TLR9: variants seen among roughly 807,000 people sequenced by gnomAD.
The protein encoded by TLR9 is toll like receptor 9.
TLR9 carries 19 observed loss-of-function variants against 24.6 expected under a neutral mutation model. The observed-to-expected ratio is 0.77, with a 90% CI of 0.54 to 1.13. The LOEUF (loss-of-function observed/expected upper bound fraction) is 1.13. Ranked by LOEUF, TLR9 falls within the 50% of genes most tolerant of loss-of-function variation. The pLI is 0.00. For synonymous variants in TLR9, 579 were observed against 609.8 expected, an observed-to-expected ratio of 0.95 and a Z score of 0.74; for missense variants, 1,065 against 1,379.6, an observed-to-expected ratio of 0.77 and a Z score of 3.61.
rs758360470 is a variant in TLR9 at position 52,222,981 on chromosome 3, C to G, written c.1335G>C (p.Lys445Asn). Residue 445 changes from lysine to asparagine, a missense_variant, in exon 2 of 2, where the codon AAG becomes AAC. Physicochemically the swap from Lys to Asn is moderately conservative, Grantham distance 94. Coordinates refer to ENST00000360658, the MANE Select transcript of TLR9 (RefSeq NM_017442.4). Reference protein sequence around the residue: ...ATMGEADGGEKVWLQPGDLAP... With the variant: ...ATMGEADGGENVWLQPGDLAP... ...CAAGGTCCCCAGGCTGCAGCCAGAC[C>G]TTCTCCCCTCCATCTGCCTCCCCCA... 4 of 1,593,508 alleles carry G rather than the reference C, an allele frequency of 2.5e-6. No homozygotes were observed. In the South Asian group the frequency reaches 4.6e-5, roughly 18 times the overall value.
chr3:52,225,033 G>T (rs1699607412), intron 1 of TLR9, among the ~76,000 whole-genome samples: 1 of 152,214 alleles, frequency 6.6e-6, no homozygotes, highest in South Asian at 2.1e-4. Context: ...CTGGGGGTTT[G>T]GGTCTCATTG....
chr3:52,225,637 TCA>T lies in TLR9; in HGVS notation c.-110_-109del, dbSNP rs1559438733. The T allele has an allele frequency of 2.0e-6, 3 of 1,485,704 alleles. No homozygotes were observed. The highest frequency in any genetic ancestry group is 2.8e-6 in the Non-Finnish European group (3 of 1,083,188). 92.0% of individuals were successfully genotyped at this position (1,485,704 alleles called of 1,614,324 possible). A position where few individuals can be genotyped will look rare whatever the true frequency, so the allele number is the denominator to read the frequency against. ...CCCTTCCCACAGGGGCAGCAGCGGCTCAGAGAATAGAGGAAGTAAGATTTTTA... is the reference window on the plus strand; with the variant it reads ...CCCTTCCCACAGGGGCAGCAGCGGCTGAGAATAGAGGAAGTAAGATTTTTA... On this transcript the variant is annotated 5_prime_UTR_variant, in exon 1 of 2. Coordinates refer to ENST00000360658, the MANE Select transcript of TLR9 (RefSeq NM_017442.4).
chr3:52,221,337 G>A lies in TLR9; in HGVS notation c.2979C>T (p.Leu993=), dbSNP rs755145332. 24 of 1,581,404 alleles carry A rather than the reference G, an allele frequency of 1.5e-5. No individual in the cohort carries two copies. The highest frequency in any genetic ancestry group is 1.8e-5 in the Admixed American group (1 of 56,692). Residue 993 remains leucine, a synonymous_variant, in exon 2 of 2, where the codon CTC becomes CTT. Coordinates refer to ENST00000360658, the MANE Select transcript of TLR9 (RefSeq NM_017442.4). This position sits in a 1 kb window ranked among gnomAD's most constrained non-coding sequence, Gnocchi z 9.9. ...GACCACTGGGCTGGTGGGGCCAGAG[G>A]AGGACACTCTGGCGGCAGAGGCGCT... The part of the protein sequence containing the change: ...LRQRLCRQSV[L]LWPHQPSGQR...
chr3:52,221,699 A>C lies in TLR9; in HGVS notation c.2617T>G (p.Phe873Val). 6.2e-7 allele frequency: 1 copy of C among 1,613,914 alleles called. No homozygotes were observed. Among genetic ancestry groups the C allele is most frequent in the South Asian group, 1.1e-5 (1 of 91,082 alleles). Residue 873 changes from phenylalanine to valine, a missense_variant, in exon 2 of 2, where the codon TTC (phenylalanine) becomes GTC (valine). Phe to Val is a conservative substitution (Grantham distance 50). Coordinates refer to ENST00000360658, the MANE Select transcript of TLR9 (RefSeq NM_017442.4). This position sits in a 1 kb window ranked among gnomAD's most constrained non-coding sequence, Gnocchi z 9.9. Reference protein sequence around the residue: ...RDEDALPYDAFVVFDKTQSAV... With the variant: ...RDEDALPYDAVVVFDKTQSAV... The stretch of plus-strand genomic sequence containing the variant: ...CTCTGCGTTTTGTCGAAGACCACGA[A>C]GGCATCGTAGGGCAGGGCATCCTCA...
Position 52,221,837 on chromosome 3 carries a change from C to G in TLR9, c.2479G>C (p.Ala827Pro), listed in dbSNP as rs1374720655. The G allele has an allele frequency of 3.1e-6, 5 of 1,613,830 alleles. No homozygotes were observed. The highest frequency in any genetic ancestry group is 4.2e-6 in the Non-Finnish European group (5 of 1,180,030). Residue 827 changes from alanine (A) to proline (P), a missense_variant, in exon 2 of 2, where the codon GCT (alanine) becomes CCT (proline). Ala to Pro is a conservative substitution (Grantham distance 27). Transcript: ENST00000360658. The surrounding 1 kb of genome is among the most constrained non-coding windows in gnomAD (Gnocchi z 9.9). ...DCFALSLLAV[A>P]LGLGVPMLHH... ...AGCATGGGCACACCCAGGCCCAGAG[C>G]CACAGCCAGCAGCGAGAGGGCGAAA...
In TLR9 at chr3:52,223,976, T is replaced by C. The variant is rs1157043280; in HGVS notation, c.340A>G (p.Ile114Val). ...SPMHFPCHMT[I>V]EPSTFLAVPT... The stretch of plus-strand genomic sequence containing the variant: ...ACAGCCAAGAAGGTGCTGGGCTCGA[T>C]GGTCATGTGGCAGGGGAAGTGCATG... The change falls in exon 2 of 2, where the codon ATC (isoleucine) becomes GTC (valine). Residue 114 changes from isoleucine (I) to valine (V), a missense_variant. Ile to Val is a conservative substitution (Grantham distance 29, BLOSUM62 3). Coordinates refer to ENST00000360658, the MANE Select transcript of TLR9 (RefSeq NM_017442.4). 2 of 1,594,442 alleles carry C rather than the reference T, an allele frequency of 1.3e-6. No individual in the cohort carries two copies. Among genetic ancestry groups the C allele is most frequent in the East Asian group, 2.2e-5 (1 of 44,492 alleles).
Position 52,221,423 on chromosome 3 carries a change from C to A in TLR9, c.2893G>T (p.Val965Phe). ...GGGCTCAGGATCACCAGCACCACGA[C>A]GTCCTTGCGGTCCTCCAGCAGGCGC... ...QQRLLEDRKD[V>F]VVLVILSPDG... Residue 965 changes from valine to phenylalanine, a missense_variant, in exon 2 of 2, where the codon GTC (valine) becomes TTC (phenylalanine). Transcript: ENST00000360658. This position sits in a 1 kb window ranked among gnomAD's most constrained non-coding sequence, Gnocchi z 9.9. 1 of 1,602,974 alleles carries A rather than the reference C, an allele frequency of 6.2e-7. No individual in the cohort carries two copies. The highest frequency in any genetic ancestry group is 8.5e-7 in the Non-Finnish European group (1 of 1,173,020).
At position 52,221,455 on chromosome 3, in the gene TLR9, G is replaced by C. The variant is rs1422851190; in HGVS notation, c.2861C>G (p.Ala954Gly). The C allele has an allele frequency of 1.2e-6, 2 of 1,610,874 alleles. No individual in the cohort carries two copies. Among genetic ancestry groups the C allele is most frequent in the Non-Finnish European group, 1.7e-6 (2 of 1,178,258 alleles). ...GCGGTCCTCCAGCAGGCGCTGCTGG[G>C]CCAGCAGGAAGCTGGCGCGCAAGAG... ...SGLLRASFLL[A>G]QQRLLEDRKD... The change falls in exon 2 of 2, where the codon GCC becomes GGC. Residue 954 changes from alanine (A) to glycine (G), a missense_variant. Physicochemically the swap from Ala to Gly is moderately conservative, Grantham distance 60. Coordinates refer to ENST00000360658, the MANE Select transcript of TLR9 (RefSeq NM_017442.4). This position sits in a 1 kb window ranked among gnomAD's most constrained non-coding sequence, Gnocchi z 9.9.
intron 1 of TLR9, 95 bp from the exon 2 acceptor site, chr3:52,224,407 C>A: frequency 1.0e-6 from 1 of 980,946 alleles, no homozygotes; most frequent in South Asian, 1.6e-5. Flanking sequence ...TCCAACCCCT[C>A]TCTCCAAGCC....
chr3:52,223,420 A>T lies in TLR9; in HGVS notation c.896T>A (p.Leu299Gln), dbSNP rs1699585792. 6.2e-7 allele frequency: 1 copy of T among 1,611,090 alleles called. No homozygotes were observed. The highest frequency in any genetic ancestry group is 1.3e-5 in the African/African-American group (1 of 74,834). Residue 299 changes from leucine to glutamine, a missense_variant, in exon 2 of 2, where the codon CTG becomes CAG. By Grantham distance (113) the Leu-to-Gln change is moderately radical (BLOSUM62 -2). Transcript: ENST00000360658. ...CAGCCCACGGAACCAACTGGCATTC[A>T]GCCAGGAGAGAGAACTGTCCTTCAA... ...LVLKDSSLSW[L>Q]NASWFRGLGN...
intron 1 of TLR9, 33 bp from the exon 2 acceptor site, chr3:52,224,345 GC>G: frequency 2.0e-6 from 3 of 1,514,518 alleles, no homozygotes; most frequent in Non-Finnish European, 2.7e-6. Flanking sequence ...TGAGTGGCCG[GC>G]CCCCAGCTCT....
intron 1 of TLR9, 73 bp downstream of exon 1, chr3:52,225,454 G>A: frequency 1.3e-6 from 2 of 1,595,294 alleles, no homozygotes; most frequent in Non-Finnish European, 1.7e-6. Flanking sequence ...GCTTGCAGCT[G>A]CCAAGCCCAC....
Position 52,222,164 on chromosome 3 carries a change from G to A in TLR9, c.2152C>T (p.Pro718Ser). ...VSCNSISFVA[P>S]GFFSKAKELR... ...TCCTTGGCCTTGGAAAAGAAGCCGGGGGCCACGAAGCTGATGCTGTTGCAG... is the reference window on the plus strand; with the variant it reads ...TCCTTGGCCTTGGAAAAGAAGCCGGAGGCCACGAAGCTGATGCTGTTGCAG... The change falls in exon 2 of 2, where the codon CCC becomes TCC. Residue 718 changes from proline (P) to serine (S), a missense_variant. Transcript: ENST00000360658. 1 of 1,613,836 alleles carries A rather than the reference G, an allele frequency of 6.2e-7. No homozygotes were observed. Among genetic ancestry groups the A allele is most frequent in the Non-Finnish European group, 8.5e-7 (1 of 1,179,908 alleles).
In TLR9 at chr3:52,223,716, G is replaced by A. The variant is rs1289609970; in HGVS notation, c.600C>T (p.Asn200=). The change falls in exon 2 of 2, where the codon AAC becomes AAT. Residue 200 remains asparagine, a synonymous_variant. Coordinates refer to ENST00000360658, the MANE Select transcript of TLR9 (RefSeq NM_017442.4). ...TGTACTTGAGTGACAGGTGGGTGAG[G>A]TTGCCCAGGCCAAGGAGGGCACCCG... ...VAPGALLGLG[N]LTHLSLKYNN... is the part of the protein sequence containing the mutation. 5 of 1,589,944 alleles carry A rather than the reference G, an allele frequency of 3.1e-6. No individual in the cohort carries two copies.
Position 52,223,099 on chromosome 3 carries a change from G to T in TLR9, c.1217C>A (p.Ala406Asp). Reference sequence around the variant, plus strand: ...GAAGGCCCTGAAGATGCCGAGCTGGGCCTGGTTGATGAAGTTCATCTGCAG... The same window carrying T: ...GAAGGCCCTGAAGATGCCGAGCTGGTCCTGGTTGATGAAGTTCATCTGCAG... ...LRLQMNFINQ[A>D]QLGIFRAFPG... The change falls in exon 2 of 2, where the codon GCC (alanine) becomes GAC (aspartate). Residue 406 changes from alanine to aspartate, a missense_variant. Ala to Asp is a moderately radical substitution (Grantham distance 126). Coordinates refer to ENST00000360658, the MANE Select transcript of TLR9 (RefSeq NM_017442.4). 1 of 1,613,372 alleles carries T rather than the reference G, an allele frequency of 6.2e-7. No individual in the cohort carries two copies. Among genetic ancestry groups the T allele is most frequent in the Non-Finnish European group, 8.5e-7 (1 of 1,179,670 alleles).
rs1218321774 is a variant in TLR9, at chr3:52,221,823, AC to A, written c.2492del (p.Gly831ValfsTer139). The A allele has an allele frequency of 6.2e-7, 1 of 1,613,788 alleles. No homozygotes were observed. The highest frequency in any genetic ancestry group is 2.2e-5 in the East Asian group (1 of 44,890). On this transcript the variant is annotated frameshift_variant, in exon 2 of 2. Coordinates refer to ENST00000360658, the MANE Select transcript of TLR9 (RefSeq NM_017442.4). LOFTEE classifies it high-confidence loss of function. The surrounding 1 kb of genome is among the most constrained non-coding windows in gnomAD (Gnocchi z 9.9). ...LSLLAVALGL[G>X]VPMLHHLCGW... ...CACAGAGGTGATGCAGCATGGGCAC[AC>A]CCAGGCCCAGAGCCACAGCCAGCAG...
Position 52,222,457 on chromosome 3 carries a change from T to A in TLR9, c.1859A>T (p.Tyr620Phe). Residue 620 changes from tyrosine (Y) to phenylalanine (F), a missense_variant, in exon 2 of 2, where the codon TAT (tyrosine) becomes TTT (phenylalanine). Transcript: ENST00000360658. ...GCTCAGGCCTTGGAAGAAGTGCAGA[T>A]AGAGGTCTCCCTCGGCCCACATATG... ...LGHMWAEGDL[Y>F]LHFFQGLSGL... 1.2e-6 allele frequency: 2 copies of A among 1,614,176 alleles called. No individual in the cohort carries two copies. The highest frequency in any genetic ancestry group is 1.7e-6 in the Non-Finnish European group (2 of 1,180,034).
rs1577981247 is a variant in TLR9, at chr3:52,224,045, G to A, written c.271C>T (p.His91Tyr). The A allele has an allele frequency of 6.3e-7, 1 of 1,579,376 alleles. No individual in the cohort carries two copies. Among genetic ancestry groups the A allele is most frequent in the Non-Finnish European group, 8.6e-7 (1 of 1,158,742 alleles). ...SDFAHLPSLR[H>Y]LNLKWNCPPV... Reference sequence around the variant, plus strand: ...GGGCAGTTCCACTTGAGGTTGAGATGCCGCAGGCTGGGCAGGTGGGCAAAG... The same window carrying A: ...GGGCAGTTCCACTTGAGGTTGAGATACCGCAGGCTGGGCAGGTGGGCAAAG... The change falls in exon 2 of 2, where the codon CAT (histidine) becomes TAT (tyrosine). Residue 91 changes from histidine (H) to tyrosine (Y), a missense_variant. Transcript: ENST00000360658.
In TLR9 at chr3:52,223,904, C is replaced by T; in HGVS notation, c.412G>A (p.Val138Met). The T allele has an allele frequency of 6.2e-7, 1 of 1,606,812 alleles. No homozygotes were observed. The highest frequency in any genetic ancestry group is 8.5e-7 in the Non-Finnish European group (1 of 1,175,592). The change falls in exon 2 of 2, where the codon GTG (valine) becomes ATG (methionine). Residue 138 changes from valine (V) to methionine (M), a missense_variant. Physicochemically the swap from Val to Met is conservative, Grantham distance 21. Coordinates refer to ENST00000360658, the MANE Select transcript of TLR9 (RefSeq NM_017442.4). ...ATGAGGGATTTGGGCAGCGCAGGCA[C>T]AGTCATGATGTTGTTGTAGCTCAGG... Reference protein sequence around the residue: ...LNLSYNNIMTVPALPKSLISL... With the variant: ...LNLSYNNIMTMPALPKSLISL...
Sources: allele counts gnomAD v4.1 joint callset (sites outside exome capture counted in the v4.1 genomes callset), GRCh38; gene constraint gnomAD v4.1.1; non-coding constraint Gnocchi (gnomAD v3.1); transcripts MANE v1.5; gene names NCBI Gene and HGNC (gene_info 2026-07-23, HGNC 2026-07-21).